Variants in NADSYN1 observed in about 807,000 individuals in gnomAD.
NADSYN1 encodes the protein NAD synthetase 1, also known as glutamine-dependent NAD(+) synthetase.
In NADSYN1, 80 loss-of-function variants were observed where a neutral mutation model predicts 99.3. That is an observed-to-expected ratio of 0.81 (90% CI 0.67 to 0.97). The LOEUF (loss-of-function observed/expected upper bound fraction) is 0.97, where lower values mean the gene tolerates loss of function less well. Among genes scored for constraint, NADSYN1 ranks in the 50% least tolerant of loss-of-function variants. NADSYN1 has a pLI of 0.00. For synonymous variants in NADSYN1, 385 were observed against 372.1 expected, an observed-to-expected ratio of 1.03 and a Z score of -0.40; for missense variants, 859 against 948.5, an observed-to-expected ratio of 0.91 and a Z score of 1.24.
chr11:71,467,099 C>T (rs571089124), intron 5 of NADSYN1, among the ~76,000 whole-genome samples: 4 of 152,242 alleles, frequency 2.6e-5, no homozygotes, highest in African/African-American at 9.6e-5. Flanking sequence ...CACATGCCTC[C>T]CTCAATCTGG....
chr11:71,477,827 C>T (rs940920867), intron 9 of NADSYN1, among the ~76,000 whole-genome samples: 30 of 152,180 alleles, frequency 2.0e-4, no homozygotes, highest in Admixed American at 3.3e-4. Context: ...TCTCCAGCTC[C>T]GCCCTCCTCT....
At chr11:71,463,635 C>G in intron 4 of NADSYN1, 150 bp downstream of exon 4, 1 of 697,088 alleles carries the variant, frequency 1.4e-6, no homozygotes, top group Admixed American at 2.8e-5. Flanking sequence ...GCCGATGCAC[C>G]AGGCAGGTGA....
At chr11:71,497,380 G>A (rs1252486227) in intron 18 of NADSYN1, 103 bp from the exon 19 acceptor site, 1 of 1,480,220 alleles carries the variant, frequency 6.8e-7, no homozygotes, top group African/African-American at 1.4e-5. Context: ...CTCTGGGAAA[G>A]TATTGCCTCC....
intron 20 of NADSYN1, among the ~76,000 whole-genome samples, chr11:71,500,990 CAG>C (rs1949853722): frequency 6.6e-6 from 1 of 152,090 alleles, no homozygotes; most frequent in South Asian, 2.1e-4. Context: ...AAGATGTACT[CAG>C]GGGCGGGCTC....
intron 2 of NADSYN1, 93 bp from the exon 3 acceptor site, chr11:71,458,335 C>T (rs1052278923): frequency 5.5e-6 from 5 of 916,182 alleles, no homozygotes; most frequent in Non-Finnish European, 5.3e-6. Context: ...GCCCCGGCCC[C>T]CAGACACGTT....
chr11:71,494,901 C>T (rs1334289499), intron 18 of NADSYN1, among the ~76,000 whole-genome samples: 1 of 152,132 alleles, frequency 6.6e-6, no homozygotes, highest in East Asian at 1.9e-4. Flanking sequence ...TCTTTCATTA[C>T]TGATTTTAGT....
rs376331262 is a variant in NADSYN1 at position 71,455,008 on chromosome 11, G to GT, written c.86-91dup. On this transcript the variant is annotated intron_variant, in intron 1 of 20. Coordinates refer to ENST00000319023, the MANE Select transcript of NADSYN1 (RefSeq NM_018161.5). Reference sequence around the variant, plus strand: ...CACAGAGCATTTTTGTTTGTTGTTTGTTTTTTTTTTTATCCTACCTACTGC... The same window carrying GT: ...CACAGAGCATTTTTGTTTGTTGTTTGTTTTTTTTTTTTATCCTACCTACTGC... 7.7e-3 allele frequency: 5,454 copies of GT among 708,186 alleles called. 1 individual carries two copies. The highest frequency in any genetic ancestry group is 0.034 in the South Asian group (1,469 of 42,774). 43.9% of individuals were successfully genotyped at this position (708,186 alleles called of 1,614,324 possible).
intron 5 of NADSYN1, among the ~76,000 whole-genome samples, chr11:71,469,762 A>G (rs1011226636): frequency 6.6e-6 from 1 of 152,100 alleles, no homozygotes; most frequent in Non-Finnish European, 1.5e-5. Context: ...AGCATGTCAC[A>G]GTGCTGCAGA....
intron 20 of NADSYN1, 103 bp downstream of exon 20, chr11:71,498,631 A>G: frequency 7.8e-7 from 1 of 1,281,728 alleles, no homozygotes; most frequent in Non-Finnish European, 1.1e-6. Context: ...ATACACAGTA[A>G]CTTTTTTACT....
chr11:71,500,385 C>CCA (rs1555153047), intron 20 of NADSYN1, among the ~76,000 whole-genome samples: 1 of 151,724 alleles, frequency 6.6e-6, no homozygotes, highest in Non-Finnish European at 1.5e-5. Flanking sequence ...ACCGTTGACC[C>CCA]CCCGAGGAGA....
At chr11:71,474,581 C>T (rs916862299) in intron 9 of NADSYN1, 55 bp downstream of exon 9, 30 of 1,609,040 alleles carry the variant, frequency 1.9e-5, no homozygotes, top group Non-Finnish European at 2.5e-5. Context: ...AGAGACCGAG[C>T]TCCTGGCTCT....
intron 20 of NADSYN1, chr11:71,499,902 G>A (rs1181567064): frequency 6.6e-6 from 1 of 152,256 alleles, no homozygotes; most frequent in Non-Finnish European, 1.5e-5. Flanking sequence ...CAAACGTGGT[G>A]GTGCACACCT....
At chr11:71,473,474 G>A (rs1591127145) in intron 7 of NADSYN1, 95 bp from the exon 8 acceptor site, 1 of 1,526,834 alleles carries the variant, frequency 6.5e-7, no homozygotes, top group East Asian at 2.3e-5. Context: ...GTGGCCGTGG[G>A]CTGGGAGCTG....
intron 16 of NADSYN1, among the ~76,000 whole-genome samples, chr11:71,487,292 G>T (rs1450502710): frequency 6.6e-6 from 1 of 152,142 alleles, no homozygotes; most frequent in Non-Finnish European, 1.5e-5. Flanking sequence ...TTCAGGAGGG[G>T]TGTGACGGCT....
intron 5 of NADSYN1, among the ~76,000 whole-genome samples, chr11:71,465,498 C>G (rs1431172370): frequency 6.6e-6 from 1 of 152,224 alleles, no homozygotes; most frequent in Non-Finnish European, 1.5e-5. Flanking sequence ...CCACTTCCAT[C>G]TTGAATGATA....
chr11:71,490,699 G>A (rs376323923), intron 16 of NADSYN1, 146 bp from the exon 17 acceptor site: 17 of 1,186,822 alleles, frequency 1.4e-5, no homozygotes, highest in Middle Eastern at 2.7e-4. Flanking sequence ...CCACCTTTGC[G>A]GGTTGCTCTG....
intron 20 of NADSYN1, among the ~76,000 whole-genome samples, chr11:71,500,248 G>A (rs989801176): frequency 4.6e-5 from 7 of 152,112 alleles, no homozygotes; most frequent in East Asian, 1.9e-4. Flanking sequence ...AGGACATGAG[G>A]AAAACCCGCC....
intron 14 of NADSYN1, among the ~76,000 whole-genome samples, chr11:71,483,983 C>T (rs1302112548): frequency 6.6e-6 from 1 of 152,200 alleles, no homozygotes; most frequent in Non-Finnish European, 1.5e-5. Context: ...CATTCCATTT[C>T]CACGCAATGT....
At chr11:71,472,941 C>T (rs1411170625) in intron 6 of NADSYN1, among the ~76,000 whole-genome samples, 4 of 152,232 alleles carry the variant, frequency 2.6e-5, no homozygotes, top group Non-Finnish European at 4.4e-5. Context: ...TTCATCAGCA[C>T]AGGGCAGCAG....
Sources: allele counts gnomAD v4.1 joint callset (sites outside exome capture counted in the v4.1 genomes callset), GRCh38; gene constraint gnomAD v4.1.1; transcripts MANE v1.5; gene names NCBI Gene and HGNC (gene_info 2026-07-23, HGNC 2026-07-21).